SLC7A14: variants seen among roughly 807,000 people sequenced by gnomAD.
The protein encoded by SLC7A14 is solute carrier family 7 member 14, also known as gamma-aminobutyric acid transporter SLC7A14.
Under a neutral mutation model 60.2 loss-of-function variants are expected in SLC7A14, and 37 were observed. The ratio of observed to expected loss-of-function variants is 0.61; its 90% CI spans 0.47 to 0.81. The LOEUF (loss-of-function observed/expected upper bound fraction) is 0.81, where lower values mean the gene tolerates loss of function less well. SLC7A14 is among the 30% of genes least tolerant of loss of function. The probability of loss-of-function intolerance (pLI) is 0.00; values close to 1 mark genes in which losing one functional copy is unlikely to be tolerated. For synonymous variants in SLC7A14, 399 were observed against 395.8 expected, an observed-to-expected ratio of 1.01 and a Z score of -0.10; for missense variants, 886 against 982.7, an observed-to-expected ratio of 0.90 and a Z score of 1.32.
intron 1 of SLC7A14, among the ~76,000 whole-genome samples, chr3:170,556,206 GCTAACATGTATCTAAGATATGATACT>G (rs1363734862): frequency 6.6e-6 from 1 of 152,116 alleles, no homozygotes. Context: ...TCAGACCTTA[GCTAACATGTATCTAAGATATGATACT>G]CATAAATAGT....
intron 7 of SLC7A14, among the ~76,000 whole-genome samples, chr3:170,473,047 A>G (rs955177717): frequency 1.3e-5 from 2 of 152,206 alleles, no homozygotes; most frequent in African/African-American, 4.8e-5. Context: ...TTGAAATAGC[A>G]TTGGGACTCA....
chr3:170,476,945 G>C (rs1388980309), intron 7 of SLC7A14: 3 of 152,230 alleles, frequency 2.0e-5, no homozygotes, highest in Non-Finnish European at 4.4e-5. Context: ...ATATTCTGCA[G>C]AACTGGCTAT....
In SLC7A14 at chr3:170,463,991, A is replaced by G. The variant is rs1739659780; in HGVS notation, c.*3064T>C. On this transcript the variant is annotated 3_prime_UTR_variant, in exon 8 of 8. Coordinates refer to ENST00000231706, the MANE Select transcript of SLC7A14 (RefSeq NM_020949.3). Reference sequence around the variant, plus strand: ...GTACTTCTTCTTGTCATTACCACTAATTCTATTATTTTTCATGGTGTCACT... The same window carrying G: ...GTACTTCTTCTTGTCATTACCACTAGTTCTATTATTTTTCATGGTGTCACT... The G allele has an allele frequency of 6.6e-6, 1 of 152,116 alleles. No individual in the cohort carries two copies. Among genetic ancestry groups the G allele is most frequent in the Non-Finnish European group, 1.5e-5 (1 of 68,020 alleles). 9.4% of individuals were successfully genotyped at this position (152,116 alleles called of 1,614,324 possible).
At chr3:170,499,544 T>TC in intron 3 of SLC7A14, among the ~76,000 whole-genome samples, 1 of 152,308 alleles carries the variant, frequency 6.6e-6, no homozygotes, top group African/African-American at 2.4e-5. Flanking sequence ...AAAATTGTTT[T>TC]TAGCTTCATT....
intron 1 of SLC7A14, among the ~76,000 whole-genome samples, chr3:170,560,080 C>T (rs1380063324): frequency 6.6e-6 from 1 of 152,212 alleles, no homozygotes; most frequent in Admixed American, 6.5e-5. Context: ...TCAGACCTTA[C>T]ATTAGCTATC....
intron 4 of SLC7A14, chr3:170,495,801 A>T: frequency 1.8e-6 from 2 of 1,130,066 alleles, no homozygotes; most frequent in Non-Finnish European, 2.7e-6. Flanking sequence ...GATGCTGGAG[A>T]CCAAGTGGAG....
intron 2 of SLC7A14, among the ~76,000 whole-genome samples, chr3:170,503,704 G>A (rs1279933791): frequency 1.4e-4 from 22 of 152,206 alleles, no homozygotes; most frequent in Non-Finnish European, 2.9e-5. Flanking sequence ...AATTTGGAGA[G>A]CCAATATTTA....
intron 2 of SLC7A14, among the ~76,000 whole-genome samples, chr3:170,504,275 A>G (rs1192050940): frequency 1.3e-5 from 2 of 152,146 alleles, no homozygotes; most frequent in Non-Finnish European, 2.9e-5. Flanking sequence ...TCTAATTTCA[A>G]TAAGAAATTA....
At chr3:170,521,914 C>CCATCTCAA (rs1713351607) in intron 2 of SLC7A14, among the ~76,000 whole-genome samples, 2 of 151,378 alleles carry the variant, frequency 1.3e-5, no homozygotes, top group South Asian at 4.2e-4. Context: ...GAGCAAGACT[C>CCATCTCAA]CATCTCAAAA....
intron 1 of SLC7A14, among the ~76,000 whole-genome samples, chr3:170,567,715 A>C (rs1714833485): frequency 6.6e-6 from 1 of 151,970 alleles, no homozygotes; most frequent in Non-Finnish European, 1.5e-5. Context: ...GTGGTGTGAG[A>C]TGGTATCTCA....
chr3:170,556,715 G>T (rs1246095151), intron 1 of SLC7A14, among the ~76,000 whole-genome samples: 2 of 152,262 alleles, frequency 1.3e-5, no homozygotes, highest in East Asian at 1.9e-4. Context: ...TTCTACATGT[G>T]TATTTTATTA....
chr3:170,481,389 CTTTTT>C (rs61203487), intron 6 of SLC7A14, among the ~76,000 whole-genome samples: 24 of 117,068 alleles, frequency 2.1e-4, no homozygotes, highest in Admixed American at 3.4e-4. Flanking sequence ...TCTTTGATTT[CTTTTT>C]TTTTTTTTTT....
intron 7 of SLC7A14, among the ~76,000 whole-genome samples, chr3:170,468,219 C>T (rs1393863196): frequency 6.6e-6 from 1 of 152,176 alleles, no homozygotes; most frequent in Non-Finnish European, 1.5e-5. Context: ...TAATATGTAG[C>T]ATTCATATAT....
intron 7 of SLC7A14, 53 bp from the exon 8 acceptor site, chr3:170,467,430 G>A (rs1739749415): frequency 1.4e-6 from 2 of 1,421,736 alleles, no homozygotes; most frequent in Non-Finnish European, 1.9e-6. Context: ...TTGGGATCCT[G>A]GGACTAGCAG....
intron 2 of SLC7A14, among the ~76,000 whole-genome samples, chr3:170,506,484 T>C (rs1712785280): frequency 6.6e-6 from 1 of 152,224 alleles, no homozygotes; most frequent in Admixed American, 6.5e-5. Context: ...CAATATTCTC[T>C]GTTAATCCTC....
In SLC7A14 at chr3:170,559,170, C is replaced by T. The variant is rs116477489; in HGVS notation, c.-153+26741G>A. On this transcript the variant is annotated intron_variant, in intron 1 of 7. Transcript: ENST00000231706. ...GATAGACGACAAGTTAAACAGCACACGTGTGTTTTCAGAGTCGTGCCAACT... is the reference window on the plus strand; with the variant it reads ...GATAGACGACAAGTTAAACAGCACATGTGTGTTTTCAGAGTCGTGCCAACT... 5.9e-3 allele frequency among the ~76,000 whole-genome samples: 892 copies of T among 152,218 alleles called. 10 individuals are homozygous for T. The highest frequency in any genetic ancestry group is 0.021 in the African/African-American group (863 of 41,540).
chr3:170,526,750 C>A lies in SLC7A14; in HGVS notation c.187G>T (p.Val63Phe), dbSNP rs755029338. The A allele has an allele frequency of 1.9e-6, 3 of 1,614,128 alleles. No individual in the cohort carries two copies. Among genetic ancestry groups the A allele is most frequent in the Non-Finnish European group, 2.5e-6 (3 of 1,180,054 alleles). ...LTTVDLISLG[V>F]GSCVGTGMYV... is the part of the protein sequence containing the mutation. ...ATGCCAGTGCCCACACAGCTGCCAACGCCAAGAGAGATGAGGTCCACTGTG... is the reference window on the plus strand; with the variant it reads ...ATGCCAGTGCCCACACAGCTGCCAAAGCCAAGAGAGATGAGGTCCACTGTG... The change falls in exon 2 of 8, where the codon GTT becomes TTT. Residue 63 changes from valine (V) to phenylalanine (F), a missense_variant. By Grantham distance (50) the Val-to-Phe change is conservative. Transcript: ENST00000231706.
At position 170,467,208 on chromosome 3, in the gene SLC7A14, G is replaced by T. The variant is rs370518462; in HGVS notation, c.2163C>A (p.Gly721=). The change falls in exon 8 of 8, where the codon GGC becomes GGA. Residue 721 remains glycine, a synonymous_variant. Coordinates refer to ENST00000231706, the MANE Select transcript of SLC7A14 (RefSeq NM_020949.3). ...ATEGESQEDW[G]GPTEDKGFYY... is the part of the protein sequence containing the mutation. Reference sequence around the variant, plus strand: ...AGAAGCCTTTGTCTTCAGTGGGCCCGCCCCAGTCCTCCTGGCTCTCGCCCT... The same window carrying T: ...AGAAGCCTTTGTCTTCAGTGGGCCCTCCCCAGTCCTCCTGGCTCTCGCCCT... The T allele has an allele frequency of 3.1e-6, 5 of 1,614,150 alleles. No individual in the cohort carries two copies. The highest frequency in any genetic ancestry group is 3.4e-6 in the Non-Finnish European group (4 of 1,180,028).
At chr3:170,521,521 A>C (rs1456756015) in intron 2 of SLC7A14, among the ~76,000 whole-genome samples, 1 of 152,260 alleles carries the variant, frequency 6.6e-6, no homozygotes, top group Non-Finnish European at 1.5e-5. Flanking sequence ...GACACGCCAC[A>C]AACTGGAGAA....
Sources: allele counts gnomAD v4.1 joint callset (sites outside exome capture counted in the v4.1 genomes callset), GRCh38; gene constraint gnomAD v4.1.1; transcripts MANE v1.5; gene names NCBI Gene and HGNC (gene_info 2026-07-23, HGNC 2026-07-21).